The following RGSL1 variants were observed in gnomAD, a reference collection of about 807,000 sequenced individuals.
The protein encoded by RGSL1 is regulator of G protein signaling like 1.
In RGSL1, 97 loss-of-function variants were observed where a neutral mutation model predicts 124.7. That is an observed-to-expected ratio of 0.78 (90% CI 0.66 to 0.92). RGSL1 has a LOEUF of 0.92. RGSL1 is among the 40% of genes least tolerant of loss of function. RGSL1 has a pLI of 0.00. For missense variants in RGSL1, 1,233 were observed against 1,288.4 expected (o/e 0.96, Z 0.66); for synonymous variants, 424 against 438.1 (o/e 0.97, Z 0.40).
chr1:182,511,835 T>C (rs1005692787), intron 9 of RGSL1, among the ~76,000 whole-genome samples: 1 of 152,222 alleles, frequency 6.6e-6, no homozygotes, highest in Non-Finnish European at 1.5e-5. Context: ...GATAGTATTG[T>C]CATTTTAACA....
chr1:182,548,865 A>G (rs1660390860), intron 17 of RGSL1, 41 bp downstream of exon 17: 1 of 1,547,036 alleles, frequency 6.5e-7, no homozygotes, highest in South Asian at 1.2e-5. Context: ...AGGTCAGGAA[A>G]ACACACTTAG....
At chr1:182,537,003 G>C (rs541409208) in intron 14 of RGSL1, among the ~76,000 whole-genome samples, 2 of 152,230 alleles carry the variant, frequency 1.3e-5, no homozygotes, top group Admixed American at 1.3e-4. Flanking sequence ...AAACTTTGTT[G>C]TCTTGGCCTT....
intron 9 of RGSL1, among the ~76,000 whole-genome samples, chr1:182,521,041 G>A (rs1341476632): frequency 6.6e-6 from 1 of 152,024 alleles, no homozygotes; most frequent in Non-Finnish European, 1.5e-5. Flanking sequence ...GAAATCTATT[G>A]TTCTTCAATA....
At chr1:182,519,013 G>GT (rs1002071276) in intron 9 of RGSL1, among the ~76,000 whole-genome samples, 15 of 151,376 alleles carry the variant, frequency 9.9e-5, no homozygotes, top group African/African-American at 3.7e-4. Context: ...ATTAAAATGG[G>GT]GGGGGGTAGG....
At chr1:182,524,335 A>G (rs1442486195) in intron 10 of RGSL1, among the ~76,000 whole-genome samples, 1 of 152,198 alleles carries the variant, frequency 6.6e-6, no homozygotes, top group Non-Finnish European at 1.5e-5. Context: ...CAGAGATAAT[A>G]TAGTTGGAAG....
chr1:182,519,746 T>C (rs951523024), intron 9 of RGSL1, among the ~76,000 whole-genome samples: 3 of 152,132 alleles, frequency 2.0e-5, no homozygotes, highest in Non-Finnish European at 4.4e-5. Context: ...TCTGTATTTT[T>C]CATTTTTCCC....
intron 7 of RGSL1, 129 bp from the exon 8 acceptor site, chr1:182,488,851 T>C: frequency 1.4e-6 from 1 of 698,988 alleles, no homozygotes; most frequent in Non-Finnish European, 2.4e-6. Flanking sequence ...CAATGGTTCT[T>C]AACAACTGAA....
chr1:182,500,677 T>C (rs1380070379), intron 9 of RGSL1, among the ~76,000 whole-genome samples: 1 of 152,220 alleles, frequency 6.6e-6, no homozygotes, highest in Non-Finnish European at 1.5e-5. Context: ...CTCTCAGCAA[T>C]ACTTTGTAAT....
chr1:182,489,417 T>C (rs1655358022), intron 8 of RGSL1, among the ~76,000 whole-genome samples: 1 of 152,192 alleles, frequency 6.6e-6, no homozygotes, highest in Admixed American at 6.5e-5. Context: ...AGTCAGGATT[T>C]GAATCCAGAC....
intron 6 of RGSL1, among the ~76,000 whole-genome samples, chr1:182,485,769 T>A (rs2102079056): frequency 6.6e-6 from 1 of 152,302 alleles, no homozygotes; most frequent in African/African-American, 2.4e-5. Context: ...CCACATGTAT[T>A]TGCATGGCCA....
At chr1:182,517,583 T>C (rs1051713903) in intron 9 of RGSL1, among the ~76,000 whole-genome samples, 7 of 152,140 alleles carry the variant, frequency 4.6e-5, no homozygotes, top group East Asian at 1.9e-4. Flanking sequence ...TTCTTCTTTT[T>C]TCTTCTCTGT....
chr1:182,479,052 G>C (rs1214494825), intron 6 of RGSL1, among the ~76,000 whole-genome samples: 1 of 152,132 alleles, frequency 6.6e-6, no homozygotes, highest in Non-Finnish European at 1.5e-5. Context: ...CAAAATATGA[G>C]TTTGTCACCA....
Position 182,474,229 on chromosome 1 carries a change from C to A in RGSL1, c.1118C>A (p.Ala373Asp). Residue 373 changes from alanine to aspartate, a missense_variant, in exon 6 of 22, where the codon GCC becomes GAC. Coordinates refer to ENST00000294854, the MANE Select transcript of RGSL1 (RefSeq NM_001137669.2). ...QSFSLGYIHL[A>D]LCADACAGNP... ...TTCTCCTTAGGATACATCCACTTGG[C>A]CTTGTGTGCTGATGCCTGTGCAGGG... 6.4e-7 allele frequency: 1 copy of A among 1,551,892 alleles called. No individual in the cohort carries two copies. Among genetic ancestry groups the A allele is most frequent in the Non-Finnish European group, 8.7e-7 (1 of 1,147,022 alleles).
Position 182,521,994 on chromosome 1 carries a change from T to G in RGSL1, c.1826-10T>G, listed in dbSNP as rs1371813196. The G allele has an allele frequency of 3.3e-6, 5 of 1,504,304 alleles. No homozygotes were observed. In the East Asian group the frequency reaches 7.4e-5, roughly 22 times the overall value. 93.2% of individuals were successfully genotyped at this position (1,504,304 alleles called of 1,614,324 possible). A position where few individuals can be genotyped will look rare whatever the true frequency, so the allele number is the denominator to read the frequency against. ...TATAGTGTTCTCCAACTTAGTGATTTTTTTTTTAGATTTTAAAATGGAAAT... is the reference window on the plus strand; with the variant it reads ...TATAGTGTTCTCCAACTTAGTGATTGTTTTTTTAGATTTTAAAATGGAAAT... On this transcript the variant is annotated splice_polypyrimidine_tract_variant and intron_variant, in intron 9 of 21. Transcript: ENST00000294854.
chr1:182,466,616 A>C (rs551815323), intron 4 of RGSL1, among the ~76,000 whole-genome samples: 2 of 152,324 alleles, frequency 1.3e-5, no homozygotes, highest in African/African-American at 4.8e-5. Flanking sequence ...TTAGGAATTC[A>C]CTTAAGGAGG....
upstream of RGSL1, chr1:182,448,092 T>C (rs774961587): frequency 2.6e-5 from 4 of 152,176 alleles, no homozygotes; most frequent in Non-Finnish European, 4.4e-5. Flanking sequence ...AGGGTAACTG[T>C]GCACTTGGGA....
intron 10 of RGSL1, among the ~76,000 whole-genome samples, chr1:182,526,992 C>T (rs567862553): frequency 6.6e-6 from 1 of 152,030 alleles, no homozygotes; most frequent in Admixed American, 6.5e-5. Flanking sequence ...TTGACGTGGG[C>T]AGTTGAAATG....
At chr1:182,473,155 C>T (rs1349791769) in intron 5 of RGSL1, among the ~76,000 whole-genome samples, 1 of 152,202 alleles carries the variant, frequency 6.6e-6, no homozygotes, top group East Asian at 1.9e-4. Context: ...TCATACTCCT[C>T]TCTACTCACA....
intron 2 of RGSL1, among the ~76,000 whole-genome samples, chr1:182,457,385 C>T (rs1224786568): frequency 2.6e-5 from 4 of 152,200 alleles, no homozygotes; most frequent in African/African-American, 4.8e-5. Context: ...TAACACCCCA[C>T]TCAGTGTGTG....
Sources: allele counts gnomAD v4.1 joint callset (sites outside exome capture counted in the v4.1 genomes callset), GRCh38; gene constraint gnomAD v4.1.1; transcripts MANE v1.5; gene names NCBI Gene and HGNC (gene_info 2026-07-23, HGNC 2026-07-21).